Variants in HGF observed in about 807,000 individuals in gnomAD.
The protein encoded by HGF is hepatocyte growth factor.
Under a neutral mutation model 111.6 loss-of-function variants are expected in HGF, and 39 were observed. The ratio of observed to expected loss-of-function variants is 0.35; its 90% CI spans 0.27 to 0.46. The LOEUF (loss-of-function observed/expected upper bound fraction) is 0.46. Ranked by LOEUF, HGF falls within the 20% of genes least tolerant of loss-of-function variation. The pLI is 1.00. For missense variants in HGF, 735 were observed against 910.5 expected, an observed-to-expected ratio of 0.81 and a Z score of 2.48; for synonymous variants, 285 against 294.8, an observed-to-expected ratio of 0.97 and a Z score of 0.34.
intron 7 of HGF, chr7:81,736,644 TA>T (rs1787834346): frequency 2.3e-6 from 1 of 441,632 alleles, no homozygotes; most frequent in Non-Finnish European, 4.5e-6. Flanking sequence ...AGGAAGAAAG[TA>T]AAATTTTTTG....
intron 7 of HGF, among the ~76,000 whole-genome samples, chr7:81,735,135 T>C (rs1418494671): frequency 2.6e-5 from 4 of 152,122 alleles, no homozygotes; most frequent in African/African-American, 9.7e-5. Context: ...ATTATAAATT[T>C]AAAGAGCTTC....
chr7:81,727,211 T>C (rs1583947686), intron 8 of HGF, among the ~76,000 whole-genome samples: 1 of 2,076 alleles, frequency 4.8e-4, no homozygotes, highest in African/African-American at 5.2e-3. Context: ...CGGCTAATTG[T>C]TTTTTTTTTT....
At chr7:81,706,793 A>C (rs1195905634) in intron 14 of HGF, among the ~76,000 whole-genome samples, 6 of 151,990 alleles carry the variant, frequency 3.9e-5, no homozygotes, top group Admixed American at 3.9e-4. Context: ...CAGGGGTTGA[A>C]GTTTTCTACA....
rs562002810 is a variant in HGF, at chr7:81,761,571, A to G, written c.254+1136T>C. Among the ~76,000 whole-genome samples, 18 of 151,592 alleles carry G rather than the reference A, an allele frequency of 1.2e-4. No individual in the cohort carries two copies. In the South Asian group the frequency reaches 3.7e-3, roughly 32 times the overall value. On this transcript the variant is annotated intron_variant, in intron 2 of 17. Coordinates refer to ENST00000222390, the MANE Select transcript of HGF (RefSeq NM_000601.6). ...TGACCCTGTTAAAAAAAAAAAAAAGATAAAATAGGGAGTGAAAGAGTGGGA... is the reference window on the plus strand; with the variant it reads ...TGACCCTGTTAAAAAAAAAAAAAAGGTAAAATAGGGAGTGAAAGAGTGGGA...
intron 5 of HGF, among the ~76,000 whole-genome samples, chr7:81,749,709 T>G (rs1788414053): frequency 6.6e-6 from 1 of 152,064 alleles, no homozygotes; most frequent in Non-Finnish European, 1.5e-5. Flanking sequence ...ATAAATGTGA[T>G]AGACGAATAT....
chr7:81,752,033 G>T lies in HGF; in HGVS notation c.625+87C>A. 1.9e-6 allele frequency: 3 copies of T among 1,575,122 alleles called. No homozygotes were observed. In the African/African-American group the frequency reaches 4.1e-5, roughly 21 times the overall value. On this transcript the variant is annotated intron_variant, in intron 5 of 17. Coordinates refer to ENST00000222390, the MANE Select transcript of HGF (RefSeq NM_000601.6). ...CACGAACAACATATTTGTTATGATT[G>T]ATTCGTTGCTGTTAACCTTTAATGT...
intron 11 of HGF, among the ~76,000 whole-genome samples, chr7:81,713,474 C>T (rs865892678): frequency 1.3e-5 from 2 of 149,912 alleles, no homozygotes; most frequent in South Asian, 2.1e-4. Context: ...TGCAGTGAGC[C>T]GAAATTGCTC....
chr7:81,702,654 A>C lies in HGF; in HGVS notation c.2114T>G (p.Ile705Ser), dbSNP rs775503666. 1 of 1,611,734 alleles carries C rather than the reference A, an allele frequency of 6.2e-7. No homozygotes were observed. Among genetic ancestry groups the C allele is most frequent in the Non-Finnish European group, 8.5e-7 (1 of 1,178,364 alleles). Residue 705 changes from isoleucine to serine, a missense_variant, in exon 18 of 18, where the codon ATT (isoleucine) becomes AGT (serine). By Grantham distance (142) the Ile-to-Ser change is moderately radical. Transcript: ENST00000222390. ...TGCATAATATGCTACTCGGACAAAA[A>C]TACCAGGACGATTTGGAATGGCACA... ...RGCAIPNRPG[I>S]FVRVAYYAKW... is the part of the protein sequence containing the mutation.
intron 7 of HGF, among the ~76,000 whole-genome samples, chr7:81,733,990 G>A (rs1490616113): frequency 1.3e-5 from 2 of 152,098 alleles, no homozygotes; most frequent in South Asian, 4.1e-4. Flanking sequence ...GTTGGGAAAG[G>A]CATTCCTTTG....
intron 7 of HGF, among the ~76,000 whole-genome samples, chr7:81,740,724 T>C (rs1787973135): frequency 6.6e-6 from 1 of 152,168 alleles, no homozygotes; most frequent in Non-Finnish European, 1.5e-5. Context: ...TTAGGCAGTC[T>C]CTAGAAGAAT....
intron 7 of HGF, among the ~76,000 whole-genome samples, chr7:81,734,711 C>T (rs1477492061): frequency 6.6e-6 from 1 of 152,060 alleles, no homozygotes; most frequent in Non-Finnish European, 1.5e-5. Context: ...TGATAGAGGT[C>T]TGAATGGTAA....
At chr7:81,742,544 G>T in intron 7 of HGF, 1 of 255,944 alleles carries the variant, frequency 3.9e-6, no homozygotes, top group Non-Finnish European at 6.8e-6. Flanking sequence ...TGATTTTAAA[G>T]AATTTTAATA....
intron 7 of HGF, among the ~76,000 whole-genome samples, chr7:81,730,183 T>G (rs1787599275): frequency 6.6e-6 from 1 of 151,960 alleles, no homozygotes; most frequent in Non-Finnish European, 1.5e-5. Flanking sequence ...GTATGGTGGC[T>G]TATGCCTGTA....
chr7:81,737,499 C>A lies in HGF; in HGVS notation c.865+5854G>T, dbSNP rs1281961634. On this transcript the variant is annotated intron_variant, in intron 7 of 17. Transcript: ENST00000222390. ...CTTTCAGGGGTCCAGGAGATCAAAA[C>A]TATTTTCACAGTAATGTTAAGACAT... 4.6e-5 allele frequency among the ~76,000 whole-genome samples: 7 copies of A among 152,020 alleles called. No individual in the cohort carries two copies. The East Asian group carries it at 1.2e-3, about 25-fold the overall frequency.
At chr7:81,754,357 G>C (rs1265343763) in intron 4 of HGF, among the ~76,000 whole-genome samples, 8 of 151,714 alleles carry the variant, frequency 5.3e-5, no homozygotes, top group Admixed American at 2.0e-4. Flanking sequence ...GAGGATTTTT[G>C]TCCCCTCTAC....
chr7:81,752,903 A>T lies in HGF; in HGVS notation c.483-641T>A, dbSNP rs76656736. Among the ~76,000 whole-genome samples, 368 of 152,150 alleles carry T rather than the reference A, an allele frequency of 2.4e-3. 1 individual carries two copies. Among genetic ancestry groups the T allele is most frequent in the African/African-American group, 8.4e-3 (350 of 41,522 alleles). ...CATAACCTTTAACATCTTACACCTTATATGGTTATTTTGAGAAGCTCCAAG... is the reference window on the plus strand; with the variant it reads ...CATAACCTTTAACATCTTACACCTTTTATGGTTATTTTGAGAAGCTCCAAG... On this transcript the variant is annotated intron_variant, in intron 4 of 17. Coordinates refer to ENST00000222390, the MANE Select transcript of HGF (RefSeq NM_000601.6).
chr7:81,747,344 A>G (rs1463131606), intron 5 of HGF, among the ~76,000 whole-genome samples: 1 of 152,092 alleles, frequency 6.6e-6, no homozygotes, highest in East Asian at 1.9e-4. Flanking sequence ...GTCTCAAAAA[A>G]TAAAAAAAAG....
chr7:81,759,265 G>A (rs1229595732), intron 2 of HGF, among the ~76,000 whole-genome samples: 1 of 152,110 alleles, frequency 6.6e-6, no homozygotes, highest in Non-Finnish European at 1.5e-5. Context: ...AATTTACAAA[G>A]TGTATAACTG....
At chr7:81,716,321 T>A (rs1221372947) in intron 11 of HGF, among the ~76,000 whole-genome samples, 1 of 152,266 alleles carries the variant, frequency 6.6e-6, no homozygotes, top group South Asian at 2.1e-4. Context: ...GTCAACATTA[T>A]TACTGCTTTT....
Sources: allele counts gnomAD v4.1 joint callset (sites outside exome capture counted in the v4.1 genomes callset), GRCh38; gene constraint gnomAD v4.1.1; transcripts MANE v1.5; gene names NCBI Gene and HGNC (gene_info 2026-07-23, HGNC 2026-07-21).